Variants in HAS2 observed in about 807,000 individuals in gnomAD.
The protein encoded by HAS2 is HA synthase 2.
In HAS2, 16 loss-of-function variants were observed where a neutral mutation model predicts 51.6. That is an observed-to-expected ratio of 0.31 (90% confidence interval 0.21 to 0.47). The LOEUF (loss-of-function observed/expected upper bound fraction) is 0.47, where lower values mean the gene tolerates loss of function less well. HAS2 is among the 20% of genes least tolerant of loss of function. The pLI, the probability that HAS2 is intolerant of heterozygous loss-of-function variation, is 1.00. For missense variants in HAS2, 361 were observed against 662.6 expected, an observed-to-expected ratio of 0.54 and a Z score of 5.00; for synonymous variants, 228 against 235.5, an observed-to-expected ratio of 0.97 and a Z score of 0.29.
intron 1 of HAS2, among the ~76,000 whole-genome samples, chr8:121,637,861 T>C (rs1813032504): frequency 6.6e-6 from 1 of 152,200 alleles, no homozygotes; most frequent in Non-Finnish European, 1.5e-5. Flanking sequence ...AAACACGGCA[T>C]GGGTTTGCAT....
At chr8:121,634,725 C>T (rs905309706) in intron 1 of HAS2, among the ~76,000 whole-genome samples, 5 of 151,738 alleles carry the variant, frequency 3.3e-5, no homozygotes, top group Non-Finnish European at 1.5e-5. Flanking sequence ...ACAACCAAGC[C>T]CTTAAGGGTA....
intron 2 of HAS2, among the ~76,000 whole-genome samples, chr8:121,621,476 G>C (rs1451736781): frequency 1.3e-5 from 2 of 152,188 alleles, no homozygotes; most frequent in African/African-American, 4.8e-5. Flanking sequence ...ACAAAGGACT[G>C]TAGAGAAGTA....
chr8:121,634,375 T>C (rs1812978385), intron 1 of HAS2, among the ~76,000 whole-genome samples: 1 of 151,978 alleles, frequency 6.6e-6, no homozygotes, highest in Admixed American at 6.6e-5. Flanking sequence ...CTGGGAGGCC[T>C]TAGCTTATCT....
chr8:121,631,804 G>A (rs1428709121), intron 1 of HAS2, among the ~76,000 whole-genome samples: 1 of 152,234 alleles, frequency 6.6e-6, no homozygotes, highest in Non-Finnish European at 1.5e-5. Context: ...TCACAAGAGT[G>A]AAAAATTTCA....
chr8:121,617,371 T>C (rs1196269850), intron 2 of HAS2, among the ~76,000 whole-genome samples, 165 bp from the exon 3 acceptor site: 1 of 152,158 alleles, frequency 6.6e-6, no homozygotes, highest in Non-Finnish European at 1.5e-5. Context: ...TCATGGCCAA[T>C]ACAAAGAGCC....
At chr8:121,639,085 C>T (rs1027008527) in intron 1 of HAS2, among the ~76,000 whole-genome samples, 1 of 152,192 alleles carries the variant, frequency 6.6e-6, no homozygotes, top group Non-Finnish European at 1.5e-5. Context: ...GAGCCAAAGC[C>T]TTGGAATGTA....
chr8:121,640,290 C>A (rs1813075794), intron 1 of HAS2: 3 of 152,268 alleles, frequency 2.0e-5, no homozygotes, highest in Admixed American at 1.3e-4. Flanking sequence ...AGAGAAGGAC[C>A]CTCCTTCTCC....
In HAS2 at chr8:121,626,373, G is replaced by C. The variant is rs140406084; in HGVS notation, c.627+2341C>G. On this transcript the variant is annotated intron_variant, in intron 2 of 3. Coordinates refer to ENST00000303924, the MANE Select transcript of HAS2 (RefSeq NM_005328.3). ...TTCAAGACCAAGTGAAAAGAGTGCT[G>C]AAGAGTGCCAAGGATTCGGCTGCAA... 5.1e-4 allele frequency among the ~76,000 whole-genome samples: 77 copies of C among 152,260 alleles called. No homozygotes were observed. In the East Asian group the frequency reaches 0.014, roughly 28 times the overall value.
At chr8:121,638,683 T>A (rs1813045773) in intron 1 of HAS2, among the ~76,000 whole-genome samples, 1 of 152,222 alleles carries the variant, frequency 6.6e-6, no homozygotes, top group African/African-American at 2.4e-5. Context: ...ATTGAAAATG[T>A]AAAAGAATCG....
chr8:121,633,915 T>G (rs1455728951), intron 1 of HAS2, among the ~76,000 whole-genome samples: 1 of 144,060 alleles, frequency 6.9e-6, no homozygotes, highest in Admixed American at 6.7e-5. Flanking sequence ...TTTTTGGGTT[T>G]TTTTTTTTTT....
At chr8:121,633,797 T>C (rs1046218372) in intron 1 of HAS2, among the ~76,000 whole-genome samples, 3 of 152,188 alleles carry the variant, frequency 2.0e-5, no homozygotes, top group African/African-American at 7.2e-5. Context: ...GACCTTTTTG[T>C]ATTAAGCAGA....
At position 121,641,153 on chromosome 8, in the gene HAS2, C is replaced by CTT. The variant is rs1209985524; in HGVS notation, c.-303_-302dup. On this transcript the variant is annotated 5_prime_UTR_variant, in exon 1 of 4. Coordinates refer to ENST00000303924, the MANE Select transcript of HAS2 (RefSeq NM_005328.3). ...TAAATTAACTTTTCTTTTTTCTTTT[C>CTT]TTTTCTTTTTTTTTTTTTTTTTTTT... The CTT allele has an allele frequency of 3.6e-4, 16 of 44,574 alleles. No homozygotes were observed. The highest frequency in any genetic ancestry group is 8.1e-4 in the South Asian group (1 of 1,240). 2.8% of individuals were successfully genotyped at this position (44,574 alleles called of 1,614,324 possible).
intron 2 of HAS2, among the ~76,000 whole-genome samples, chr8:121,622,380 A>G (rs181464145): frequency 1.3e-5 from 2 of 152,204 alleles, no homozygotes; most frequent in Admixed American, 6.5e-5. Flanking sequence ...TTAACCACCT[A>G]TGTAAACTCG....
chr8:121,632,753 A>C (rs978794578), intron 1 of HAS2, among the ~76,000 whole-genome samples: 3 of 147,100 alleles, frequency 2.0e-5, no homozygotes, highest in African/African-American at 7.5e-5. Context: ...CATCATCATC[A>C]TCATCATCAT....
chr8:121,635,832 A>G (rs1813000972), intron 1 of HAS2, among the ~76,000 whole-genome samples: 1 of 152,216 alleles, frequency 6.6e-6, no homozygotes, highest in Non-Finnish European at 1.5e-5. Flanking sequence ...GCATAAACTC[A>G]TGTTGTATGG....
At chr8:121,635,008 T>G (rs1296007525) in intron 1 of HAS2, among the ~76,000 whole-genome samples, 1 of 152,190 alleles carries the variant, frequency 6.6e-6, no homozygotes, top group African/African-American at 2.4e-5. Context: ...TATTAATCCA[T>G]ATGCTGCTTT....
chr8:121,618,376 A>G (rs1812733935), intron 2 of HAS2, among the ~76,000 whole-genome samples: 1 of 152,148 alleles, frequency 6.6e-6, no homozygotes, highest in Admixed American at 6.5e-5. Flanking sequence ...GGTACAGCTG[A>G]TACCTGTTCC....
Position 121,628,743 on chromosome 8 carries a change from C to T in HAS2, c.598G>A (p.Ala200Thr). The change falls in exon 2 of 4, where the codon GCA (alanine) becomes ACA (threonine). Residue 200 changes from alanine to threonine, a missense_variant. Ala to Thr is a moderately conservative substitution (Grantham distance 58). This residue lies in a region of HAS2 where 49 missense variants were observed against 108.3 expected (regional missense o/e 0.45). Transcript: ENST00000303924. ...ACATAATCCACACTTCGTCCCAGTGCTCTGAAGGCTGTGTACATGACTTCT... is the reference window on the plus strand; with the variant it reads ...ACATAATCCACACTTCGTCCCAGTGTTCTGAAGGCTGTGTACATGACTTCT... ...KREVMYTAFR[A>T]LGRSVDYVQV... 1.9e-6 allele frequency: 3 copies of T among 1,614,028 alleles called. No individual in the cohort carries two copies. Among genetic ancestry groups the T allele is most frequent in the South Asian group, 1.1e-5 (1 of 91,074 alleles).
At chr8:121,624,127 T>A (rs181037910) in intron 2 of HAS2, among the ~76,000 whole-genome samples, 1 of 152,352 alleles carries the variant, frequency 6.6e-6, no homozygotes, top group East Asian at 1.9e-4. Context: ...TCATTAATAT[T>A]GAACTCATGT....
Sources: allele counts gnomAD v4.1 joint callset (sites outside exome capture counted in the v4.1 genomes callset), GRCh38; gene constraint gnomAD v4.1.1; regional missense constraint gnomAD v4.1.1; transcripts MANE v1.5; gene names NCBI Gene and HGNC (gene_info 2026-07-23, HGNC 2026-07-21).